Variants in CPEB3 observed in about 807,000 individuals in gnomAD.
CPEB3 encodes the protein cytoplasmic polyadenylation element binding protein 3, also known as cytoplasmic polyadenylation element-binding protein 3.
A neutral mutation model predicts 67.2 loss-of-function variants in CPEB3; 20 were observed. The ratio of observed to expected loss-of-function variants is 0.30; its 90% CI spans 0.21 to 0.43. CPEB3 has a LOEUF of 0.43. CPEB3 is among the 20% of genes least tolerant of loss of function. The pLI, the probability that CPEB3 is intolerant of heterozygous loss-of-function variation, is 1.00. For missense variants in CPEB3, 746 were observed against 968.6 expected (o/e 0.77, Z 3.05); for synonymous variants, 376 against 393.1 (o/e 0.96, Z 0.51).
At chr10:92,241,047 A>G (rs890862159) in intron 1 of CPEB3, among the ~76,000 whole-genome samples, 42 of 152,098 alleles carry the variant, frequency 2.8e-4, no homozygotes, top group Admixed American at 2.6e-3. Flanking sequence ...TTGTTAGGAG[A>G]CAGTTAATTT....
In CPEB3 at chr10:92,264,040, C is replaced by A. The variant is rs1446931174; in HGVS notation, c.-11-23679G>T. 2.6e-5 allele frequency among the ~76,000 whole-genome samples: 4 copies of A among 151,890 alleles called. No individual in the cohort carries two copies. The East Asian group carries it at 7.7e-4, about 29-fold the overall frequency. The stretch of plus-strand genomic sequence containing the variant: ...TCAGATAAGGAAACTTAGAAATAAT[C>A]AATAATGGCTGGTTGCAGTGACTCA... On this transcript the variant is annotated intron_variant, in intron 1 of 9. Coordinates refer to ENST00000265997, the MANE Select transcript of CPEB3 (RefSeq NM_014912.5).
At chr10:92,227,638 T>G (rs912604811) in intron 2 of CPEB3, among the ~76,000 whole-genome samples, 1 of 151,910 alleles carries the variant, frequency 6.6e-6, no homozygotes, top group Non-Finnish European at 1.5e-5. Flanking sequence ...TCGCCCAGGC[T>G]GGAGTGCAGT....
intron 2 of CPEB3, among the ~76,000 whole-genome samples, chr10:92,226,444 G>C (rs933852863): frequency 6.6e-6 from 1 of 152,122 alleles, no homozygotes; most frequent in Admixed American, 6.6e-5. Flanking sequence ...CCAGCTAAAC[G>C]TTTTAATTAC....
At chr10:92,282,557 G>A (rs1010490759) in intron 1 of CPEB3, among the ~76,000 whole-genome samples, 5 of 151,974 alleles carry the variant, frequency 3.3e-5, no homozygotes, top group South Asian at 4.2e-4. Context: ...GTGTGGTGGC[G>A]CGTGCCTGTA....
chr10:92,216,407 G>A (rs1028253852), intron 2 of CPEB3: 3 of 1,612,208 alleles, frequency 1.9e-6, no homozygotes, highest in Admixed American at 1.7e-5. Context: ...CACCTACCAG[G>A]AGCTGCTGGT....
At chr10:92,264,078 C>T (rs11595822) in intron 1 of CPEB3, among the ~76,000 whole-genome samples, 11,653 of 152,098 alleles carry the variant, frequency 0.077, 620 homozygotes, top group East Asian at 0.19. Flanking sequence ...CCTATAATCC[C>T]AGCACTTTGG....
chr10:92,249,354 G>T (rs1014823085), intron 1 of CPEB3, among the ~76,000 whole-genome samples: 4 of 149,158 alleles, frequency 2.7e-5, no homozygotes, highest in African/African-American at 1.0e-4. Flanking sequence ...ACTCCAGTCT[G>T]GTGACAGAGC....
chr10:92,207,115 T>C (rs750160989), intron 2 of CPEB3, among the ~76,000 whole-genome samples: 4 of 152,148 alleles, frequency 2.6e-5, no homozygotes, highest in Non-Finnish European at 4.4e-5. Context: ...CCTGAGTAGC[T>C]GGGACCACAG....
intron 4 of CPEB3, among the ~76,000 whole-genome samples, chr10:92,154,179 G>A (rs1847098391): frequency 6.6e-6 from 1 of 152,176 alleles, no homozygotes; most frequent in African/African-American, 2.4e-5. Flanking sequence ...GTTTCTAACA[G>A]GGGTTGCAGT....
intron 2 of CPEB3, among the ~76,000 whole-genome samples, chr10:92,216,157 G>A (rs930723731): frequency 4.0e-5 from 6 of 150,902 alleles, no homozygotes; most frequent in Admixed American, 3.3e-4. Context: ...TATTTTGATG[G>A]CTGGGTGCAG....
chr10:92,175,984 G>A (rs534098937), intron 4 of CPEB3, among the ~76,000 whole-genome samples: 11 of 152,206 alleles, frequency 7.2e-5, no homozygotes, highest in South Asian at 4.1e-4. Context: ...CCAGCTACTC[G>A]GGAGGCAGAT....
chr10:92,145,697 T>C (rs1368713059), intron 4 of CPEB3, among the ~76,000 whole-genome samples: 4 of 152,172 alleles, frequency 2.6e-5, no homozygotes, highest in Non-Finnish European at 5.9e-5. Flanking sequence ...CACTGCATTT[T>C]ACTCATTCAG....
intron 2 of CPEB3, among the ~76,000 whole-genome samples, chr10:92,215,759 C>CT (rs1180607410): frequency 1.5e-4 from 11 of 71,514 alleles, no homozygotes; most frequent in East Asian, 4.6e-4. Context: ...TTTTTTTTTT[C>CT]TTTTTTTTGA....
chr10:92,212,958 A>G (rs535852849), intron 2 of CPEB3, among the ~76,000 whole-genome samples: 4 of 152,218 alleles, frequency 2.6e-5, no homozygotes, highest in African/African-American at 9.6e-5. Flanking sequence ...TACTTTTCAA[A>G]TGTGCCACTA....
intron 1 of CPEB3, among the ~76,000 whole-genome samples, chr10:92,252,728 C>T (rs1269609954): frequency 6.6e-6 from 1 of 151,878 alleles, no homozygotes; most frequent in South Asian, 2.1e-4. Context: ...CCGTGTTGCC[C>T]AGGCTCATCT....
intron 4 of CPEB3, among the ~76,000 whole-genome samples, chr10:92,171,459 C>T (rs574598027): frequency 2.0e-5 from 3 of 152,266 alleles, no homozygotes; most frequent in South Asian, 4.1e-4. Flanking sequence ...TTTCACCCTA[C>T]GCCAATGAAA....
rs192240737 is a variant in CPEB3 at position 92,200,175 on chromosome 10, T to A, written c.1006-7539A>T. On this transcript the variant is annotated intron_variant, in intron 2 of 9. Coordinates refer to ENST00000265997, the MANE Select transcript of CPEB3 (RefSeq NM_014912.5). ...TATCAGCATCTACTGTGAATTTTAA[T>A]ATTCTTTAAAATTGTTGTTAAACAG... Among the ~76,000 whole-genome samples, 702 of 152,336 alleles carry A rather than the reference T, an allele frequency of 4.6e-3. 8 individuals carry two copies. The highest frequency in any genetic ancestry group is 0.031 in the Middle Eastern group (9 of 294).
chr10:92,265,159 CA>C (rs920544536), intron 1 of CPEB3, among the ~76,000 whole-genome samples: 18 of 139,290 alleles, frequency 1.3e-4, no homozygotes, highest in South Asian at 2.3e-4. Flanking sequence ...GACTCCGCCT[CA>C]AAAAAAAAAA....
intron 7 of CPEB3, among the ~76,000 whole-genome samples, chr10:92,105,933 C>A (rs1411318529): frequency 5.9e-5 from 9 of 152,132 alleles, no homozygotes; most frequent in African/African-American, 2.2e-4. Context: ...CACTCTGCCA[C>A]CCAGGCTAGA....
Sources: gnomAD v4.1 joint callset for allele counts (sites outside exome capture counted in the v4.1 genomes callset) on GRCh38, gnomAD v4.1.1 for gene constraint, MANE v1.5 for transcripts, NCBI Gene and HGNC (gene_info 2026-07-23, HGNC 2026-07-21) for gene names.